E2F3: variants seen among roughly 807,000 people sequenced by gnomAD.
The protein encoded by E2F3 is E2F transcription factor 3.
A neutral mutation model predicts 44.4 loss-of-function variants in E2F3; 11 were observed. The observed-to-expected ratio is 0.25, with a 90% confidence interval of 0.16 to 0.41. The LOEUF (loss-of-function observed/expected upper bound fraction) is 0.41. E2F3 is among the 10% of genes least tolerant of loss of function. The pLI, the probability that E2F3 is intolerant of heterozygous loss-of-function variation, is 1.00. For synonymous variants in E2F3, 249 were observed against 253.0 expected (o/e 0.98, Z 0.15); for missense variants, 487 against 583.6 (o/e 0.83, Z 1.70).
chr6:20,409,383 G>A (rs1047650149), intron 1 of E2F3, among the ~76,000 whole-genome samples: 16 of 152,210 alleles, frequency 1.1e-4, no homozygotes, highest in Non-Finnish European at 1.9e-4. Context: ...AGATTTATTT[G>A]ATATTCGCAA....
At chr6:20,420,744 TG>T (rs1375264647) in intron 1 of E2F3, among the ~76,000 whole-genome samples, 1 of 152,236 alleles carries the variant, frequency 6.6e-6, no homozygotes, top group Non-Finnish European at 1.5e-5. Context: ...GCCTTCACAC[TG>T]AAGACTGTTG....
chr6:20,416,706 T>C (rs1759858247), intron 1 of E2F3, among the ~76,000 whole-genome samples: 1 of 152,004 alleles, frequency 6.6e-6, no homozygotes, highest in African/African-American at 2.4e-5. Flanking sequence ...TGTGAATCAG[T>C]GTTTGGGAAA....
intron 1 of E2F3, among the ~76,000 whole-genome samples, chr6:20,404,005 C>T (rs1759405088): frequency 2.0e-5 from 3 of 152,158 alleles, no homozygotes; most frequent in Admixed American, 1.3e-4. Context: ...AATGCCCCGG[C>T]CTCCGGTTCT....
intron 1 of E2F3, among the ~76,000 whole-genome samples, chr6:20,411,564 G>A (rs1050221252): frequency 1.3e-5 from 2 of 152,202 alleles, no homozygotes; most frequent in Non-Finnish European, 2.9e-5. Flanking sequence ...AAGGGATGGT[G>A]AAATCTTGCC....
At chr6:20,404,371 C>T (rs898773262) in intron 1 of E2F3, among the ~76,000 whole-genome samples, 4 of 152,210 alleles carry the variant, frequency 2.6e-5, no homozygotes, top group Admixed American at 6.5e-5. Context: ...CTCCTTCATT[C>T]CCTTCCTCCA....
chr6:20,432,148 G>A (rs569324635), intron 1 of E2F3, among the ~76,000 whole-genome samples: 1 of 152,372 alleles, frequency 6.6e-6, no homozygotes, highest in South Asian at 2.1e-4. Context: ...TGGGCGTTTA[G>A]CCCAAGGCAC....
chr6:20,435,394 G>A (rs1278611639), intron 1 of E2F3, among the ~76,000 whole-genome samples: 1 of 152,190 alleles, frequency 6.6e-6, no homozygotes, highest in Non-Finnish European at 1.5e-5. Flanking sequence ...CATACTAAAA[G>A]TTATAGCTGG....
At position 20,407,589 on chromosome 6, in the gene E2F3, T is replaced by C. The variant is rs148041765; in HGVS notation, c.393+4964T>C. Among the ~76,000 whole-genome samples, 164 of 152,338 alleles carry C rather than the reference T, an allele frequency of 1.1e-3. 1 individual carries two copies. Among genetic ancestry groups the C allele is most frequent in the African/African-American group, 3.3e-3 (137 of 41,570 alleles). ...CTTTTATTGTGGTTTCTCAGAAATA[T>C]ATAAAGCAGTAGTTTTCCTTTAACT... On this transcript the variant is annotated intron_variant, in intron 1 of 6. Coordinates refer to ENST00000346618, the MANE Select transcript of E2F3 (RefSeq NM_001949.5).
At chr6:20,468,373 A>G (rs550441225) in intron 1 of E2F3, among the ~76,000 whole-genome samples, 9 of 152,340 alleles carry the variant, frequency 5.9e-5, no homozygotes, top group South Asian at 2.1e-4. Context: ...GAACTCAGGA[A>G]ACATTGAGGT....
intron 1 of E2F3, among the ~76,000 whole-genome samples, chr6:20,461,407 T>C (rs888409366): frequency 4.1e-4 from 62 of 152,100 alleles, no homozygotes; most frequent in African/African-American, 1.4e-3. Context: ...GGCGGGAGAA[T>C]GGCGTGAACC....
Position 20,445,247 on chromosome 6 carries a change from C to CTT in E2F3, c.394-34588_394-34587dup, listed in dbSNP as rs397791188. The CTT allele has an allele frequency of 3.1e-3, 1,858 of 601,684 alleles. 7 individuals are homozygous for CTT. The highest frequency in any genetic ancestry group is 0.021 in the African/African-American group (1,011 of 47,822). The allele number at this position is 601,684 out of a possible 1,614,324, so 37.3% of individuals were successfully genotyped here. On this transcript the variant is annotated intron_variant, in intron 1 of 6. Transcript: ENST00000346618. ...AAATTAGAATGTGTATATTTTCTCCCTTTTTTTTTTTTGAGACAGTCTCAC... is the reference window on the plus strand; with the variant it reads ...AAATTAGAATGTGTATATTTTCTCCCTTTTTTTTTTTTTTGAGACAGTCTCAC...
At chr6:20,486,554 G>C (rs941343264) in intron 4 of E2F3, 135 bp from the exon 5 acceptor site, 2 of 521,826 alleles carry the variant, frequency 3.8e-6, no homozygotes, top group South Asian at 2.1e-5. Context: ...TTACAGGTGT[G>C]AGCCACCGCG....
At chr6:20,477,638 G>A (rs1762090489) in intron 1 of E2F3, among the ~76,000 whole-genome samples, 1 of 152,152 alleles carries the variant, frequency 6.6e-6, no homozygotes, top group Non-Finnish European at 1.5e-5. Flanking sequence ...TCTTAGGTAT[G>A]CTCTGGAATT....
intron 1 of E2F3, among the ~76,000 whole-genome samples, chr6:20,476,460 G>T (rs1324344092): frequency 6.6e-6 from 1 of 152,188 alleles, no homozygotes; most frequent in East Asian, 1.9e-4. Flanking sequence ...TGCCCCCAGG[G>T]CATGACCAGA....
intron 1 of E2F3, among the ~76,000 whole-genome samples, chr6:20,449,074 G>A (rs748103898): frequency 4.6e-5 from 7 of 152,200 alleles, no homozygotes; most frequent in Non-Finnish European, 8.8e-5. Flanking sequence ...TGCTTGACTC[G>A]TATTTACTAC....
At chr6:20,446,735 T>C (rs1314675007) in intron 1 of E2F3, among the ~76,000 whole-genome samples, 1 of 152,140 alleles carries the variant, frequency 6.6e-6, no homozygotes, top group Non-Finnish European at 1.5e-5. Context: ...CACCTGCTAA[T>C]TTTTGTATTT....
chr6:20,485,667 C>T (rs11964747), intron 4 of E2F3, among the ~76,000 whole-genome samples: 26,013 of 152,210 alleles, frequency 0.17, 2,355 homozygotes, highest in Middle Eastern at 0.23. Context: ...TCATTCAAGT[C>T]GCAGAGCACC....
chr6:20,485,617 A>G (rs943003435), intron 4 of E2F3, among the ~76,000 whole-genome samples: 17 of 152,184 alleles, frequency 1.1e-4, no homozygotes, highest in Non-Finnish European at 1.6e-4. Context: ...GTACTGAGAT[A>G]TTATACTTTT....
In E2F3 at chr6:20,402,771, A is replaced by G. The variant is rs1402283403; in HGVS notation, c.393+146A>G. ...GGGGCTGCCCCTCCAACGAGGGTTC[A>G]TTGTTAGACCTGAGTGCTCTTCCCG... On this transcript the variant is annotated intron_variant, in intron 1 of 6. Coordinates refer to ENST00000346618, the MANE Select transcript of E2F3 (RefSeq NM_001949.5). The surrounding 1 kb of genome is among the most constrained non-coding windows in gnomAD (Gnocchi z 5.6). 5 of 1,242,880 alleles carry G rather than the reference A, an allele frequency of 4.0e-6. No homozygotes were observed. Among genetic ancestry groups the G allele is most frequent in the Admixed American group, 4.3e-5 (1 of 23,270 alleles). The allele number at this position is 1,242,880 out of a possible 1,614,324, so 77.0% of individuals were successfully genotyped here. A position where few individuals can be genotyped will look rare whatever the true frequency, so the allele number is the denominator to read the frequency against.
Sources: gnomAD v4.1 joint callset for allele counts (sites outside exome capture counted in the v4.1 genomes callset) on GRCh38, gnomAD v4.1.1 for gene constraint, Gnocchi (gnomAD v3.1) non-coding constraint, MANE v1.5 for transcripts, NCBI Gene and HGNC (gene_info 2026-07-23, HGNC 2026-07-21) for gene names.